Variants in ESCO2 observed in about 807,000 individuals in gnomAD.
ESCO2 encodes the protein establishment of sister chromatid cohesion N-acetyltransferase 2, also known as N-acetyltransferase ESCO2.
ESCO2 carries 51 observed loss-of-function variants against 61.7 expected under a neutral mutation model. The observed-to-expected ratio is 0.83, with a 90% confidence interval of 0.66 to 1.04. The LOEUF is 1.04. Among genes scored for constraint, ESCO2 ranks in the 50% least tolerant of loss-of-function variants. The probability of loss-of-function intolerance (pLI) is 0.00; values close to 1 mark genes in which losing one functional copy is unlikely to be tolerated. For missense variants in ESCO2, 692 were observed against 686.2 expected (o/e 1.01, Z -0.09); for synonymous variants, 230 against 238.2 (o/e 0.97, Z 0.32).
upstream of ESCO2, chr8:27,772,170 G>T (rs777084366): frequency 2.4e-6 from 1 of 408,368 alleles, no homozygotes; most frequent in Non-Finnish European, 4.5e-6. Flanking sequence ...CAGATGGAAG[G>T]TGGGAAGAAG....
chr8:27,810,380 A>C (rs756731963), downstream of ESCO2: 2 of 1,611,584 alleles, frequency 1.2e-6, no homozygotes, highest in East Asian at 4.5e-5. Flanking sequence ...TAGTGCATAC[A>C]GAGAAGAGTT....
At chr8:27,772,222 A>C (rs1804648123), upstream of ESCO2, among the ~76,000 whole-genome samples, 1 of 152,240 alleles carries the variant, frequency 6.6e-6, no homozygotes, top group African/African-American at 2.4e-5. Context: ...GGCTCTGCCC[A>C]ATCCCAGGGA....
chr8:27,775,898 A>C (rs1239477451), intron 2 of ESCO2, among the ~76,000 whole-genome samples: 1 of 152,092 alleles, frequency 6.6e-6, no homozygotes, highest in Non-Finnish European at 1.5e-5. Context: ...CCCCTATAAT[A>C]TTTTACAGTG....
At chr8:27,783,414 T>G (rs1804966628) in intron 4 of ESCO2, among the ~76,000 whole-genome samples, 1 of 152,214 alleles carries the variant, frequency 6.6e-6, no homozygotes, top group South Asian at 2.1e-4. Context: ...CCCCTCAATC[T>G]GTGGCTTACC....
intron 5 of ESCO2, 151 bp downstream of exon 5, chr8:27,784,208 A>G: frequency 1.4e-6 from 1 of 689,894 alleles, no homozygotes; most frequent in Middle Eastern, 2.7e-4. Flanking sequence ...TAGGGTGATG[A>G]AATCAGTCCC....
At chr8:27,794,519 T>C (rs1240159824) in intron 9 of ESCO2, among the ~76,000 whole-genome samples, 2 of 152,210 alleles carry the variant, frequency 1.3e-5, no homozygotes. Context: ...TACACAAATT[T>C]TTTTTCCAAT....
In ESCO2 at chr8:27,803,756, C is replaced by A. The variant is rs1381529705; in HGVS notation, c.*318C>A. On this transcript the variant is annotated 3_prime_UTR_variant, in exon 11 of 11. Coordinates refer to ENST00000305188, the MANE Select transcript of ESCO2 (RefSeq NM_001017420.3). Reference sequence around the variant, plus strand: ...TGACTCTTTGTAAGAGTATTAAATACAAAGTGATTTTTCTCTAGAAATGTG... The same window carrying A: ...TGACTCTTTGTAAGAGTATTAAATAAAAAGTGATTTTTCTCTAGAAATGTG... 1 of 1,073,446 alleles carries A rather than the reference C, an allele frequency of 9.3e-7. No homozygotes were observed. The highest frequency in any genetic ancestry group is 1.7e-5 in the African/African-American group (1 of 59,222). The allele number at this position is 1,073,446 out of a possible 1,614,324, so 66.5% of individuals were successfully genotyped here. A position where few individuals can be genotyped will look rare whatever the true frequency, so the allele number is the denominator to read the frequency against.
chr8:27,811,226 T>C, downstream of ESCO2: 1 of 1,049,572 alleles, frequency 9.5e-7, no homozygotes, highest in Non-Finnish European at 1.5e-6. Flanking sequence ...TTTGAACAAG[T>C]AGTTCACAGG....
Position 27,803,598 on chromosome 8 carries a change from A to G in ESCO2, c.*160A>G, listed in dbSNP as rs572397778. 116 of 1,390,200 alleles carry G rather than the reference A, an allele frequency of 8.3e-5. No homozygotes were observed. The highest frequency in any genetic ancestry group is 1.9e-4 in the Admixed American group (6 of 31,676). The allele number at this position is 1,390,200 out of a possible 1,614,324, so 86.1% of individuals were successfully genotyped here. On this transcript the variant is annotated 3_prime_UTR_variant, in exon 11 of 11. Coordinates refer to ENST00000305188, the MANE Select transcript of ESCO2 (RefSeq NM_001017420.3). ...CACACATATCACAGTTTTGTTCCTT[A>G]TGAGTTGAAAAGTCAGGAATAAATT...
downstream of ESCO2, among the ~76,000 whole-genome samples, chr8:27,806,455 T>C (rs1374178194): frequency 6.6e-6 from 1 of 152,166 alleles, no homozygotes; most frequent in Admixed American, 6.5e-5. Flanking sequence ...TTTTCTTCGG[T>C]CTATTATTGG....
chr8:27,775,418 ATAGAC>A (rs1313796354), intron 1 of ESCO2, 76 bp from the exon 2 acceptor site: 1 of 1,212,662 alleles, frequency 8.2e-7, no homozygotes, highest in East Asian at 2.3e-5. Context: ...TTGGTGTGAA[ATAGAC>A]TAATTAAAGG....
chr8:27,776,239 G>T, intron 2 of ESCO2, 123 bp from the exon 3 acceptor site: 2 of 708,954 alleles, frequency 2.8e-6, no homozygotes, highest in Admixed American at 6.0e-5. Flanking sequence ...ATAGAAAATT[G>T]TGTGTATGGG....
chr8:27,777,493 T>A (rs1414482211), intron 3 of ESCO2: 1 of 207,512 alleles, frequency 4.8e-6, no homozygotes, highest in Non-Finnish European at 9.7e-6. Context: ...GAGGCTGGGG[T>A]TTCACCATGT....
intron 10 of ESCO2, among the ~76,000 whole-genome samples, chr8:27,802,747 T>TA (rs1177142456): frequency 6.8e-6 from 1 of 146,442 alleles, no homozygotes; most frequent in African/African-American, 2.5e-5. Context: ...ATCTTTTTTT[T>TA]ATTTTTATTT....
intron 9 of ESCO2, among the ~76,000 whole-genome samples, chr8:27,795,810 T>G (rs779154448): frequency 9.2e-5 from 14 of 152,208 alleles, no homozygotes; most frequent in Non-Finnish European, 2.1e-4. Context: ...GTGCATGTAT[T>G]GAGCCATCCT....
At chr8:27,798,289 G>A (rs1291883240) in intron 9 of ESCO2, among the ~76,000 whole-genome samples, 2 of 152,018 alleles carry the variant, frequency 1.3e-5, no homozygotes, top group East Asian at 3.9e-4. Context: ...GAAACCCCCC[G>A]CCTCTACTAA....
chr8:27,773,955 G>A (rs561936982), upstream of ESCO2, among the ~76,000 whole-genome samples: 5 of 152,234 alleles, frequency 3.3e-5, no homozygotes, highest in East Asian at 7.7e-4. Flanking sequence ...AATGGGAATG[G>A]CAATAGATAT....
At chr8:27,780,373 G>A (rs1453787609) in intron 4 of ESCO2, 106 bp downstream of exon 4, 5 of 754,880 alleles carry the variant, frequency 6.6e-6, no homozygotes, top group African/African-American at 3.5e-5. Context: ...TTTCAGTAGC[G>A]TGCCTGTGGT....
At position 27,803,549 on chromosome 8, in the gene ESCO2, TACACAC is replaced by T. The variant is rs56062620; in HGVS notation, c.*124_*129del. The T allele has an allele frequency of 9.1e-5, 121 of 1,323,900 alleles. No homozygotes were observed. The African/African-American group carries it at 1.5e-3, about 17-fold the overall frequency. 82.0% of individuals were successfully genotyped at this position (1,323,900 alleles called of 1,614,324 possible). On this transcript the variant is annotated 3_prime_UTR_variant, in exon 11 of 11. Coordinates refer to ENST00000305188, the MANE Select transcript of ESCO2 (RefSeq NM_001017420.3). ...TAAAAAATACCGAGACTCACACTCA[TACACAC>T]ACACACACACACGCACACACACATA...
Sources: gnomAD v4.1 joint callset for allele counts (sites outside exome capture counted in the v4.1 genomes callset) on GRCh38, gnomAD v4.1.1 for gene constraint, MANE v1.5 for transcripts, NCBI Gene and HGNC (gene_info 2026-07-23, HGNC 2026-07-21) for gene names.